ASTN2: variants seen among roughly 807,000 people sequenced by gnomAD.
The protein encoded by ASTN2 is astrotactin 2.
Under a neutral mutation model 139.8 loss-of-function variants are expected in ASTN2, and 54 were observed. The ratio of observed to expected loss-of-function variants is 0.39; its 90% CI spans 0.31 to 0.48. ASTN2 has a LOEUF of 0.48. Ranked by LOEUF, ASTN2 falls within the 20% of genes least tolerant of loss-of-function variation. The probability of loss-of-function intolerance (pLI) is 0.95; values close to 1 mark genes in which losing one functional copy is unlikely to be tolerated. For synonymous variants in ASTN2, 756 were observed against 719.5 expected, an observed-to-expected ratio of 1.05 and a Z score of -0.81; for missense variants, 1,565 against 1,725.1, an observed-to-expected ratio of 0.91 and a Z score of 1.64.
Position 116,724,079 on chromosome 9 carries a change from G to T in ASTN2, c.2806+1692C>A, listed in dbSNP as rs563579173. On this transcript the variant is annotated intron_variant, in intron 16 of 22. Coordinates refer to ENST00000313400, the MANE Select transcript of ASTN2 (RefSeq NM_001365068.1). ...GAAGACAGCTAAGGATGGAGAAGGG[G>T]TGGGATTTAGAATCAGAGTAGTGTC... 2.0e-5 allele frequency among the ~76,000 whole-genome samples: 3 copies of T among 152,332 alleles called. No individual in the cohort carries two copies. The South Asian group carries it at 6.2e-4, about 32-fold the overall frequency.
chr9:116,794,562 G>C (rs1588298666), intron 13 of ASTN2, among the ~76,000 whole-genome samples: 1 of 152,268 alleles, frequency 6.6e-6, no homozygotes, highest in Middle Eastern at 3.4e-3. Flanking sequence ...GGAGTGTTTA[G>C]AAGAGCAGCC....
At chr9:116,887,015 C>T (rs1008618008) in intron 10 of ASTN2, among the ~76,000 whole-genome samples, 3 of 152,026 alleles carry the variant, frequency 2.0e-5, no homozygotes, top group South Asian at 4.2e-4. Flanking sequence ...AATGGGAATA[C>T]GAATGCAGTG....
chr9:116,666,670 T>C (rs1248042360), intron 16 of ASTN2, among the ~76,000 whole-genome samples: 1 of 152,036 alleles, frequency 6.6e-6, no homozygotes, highest in Non-Finnish European at 1.5e-5. Flanking sequence ...TTTTAAAATG[T>C]TTTTCTGAGA....
chr9:116,610,027 A>G (rs1429529665), intron 19 of ASTN2, among the ~76,000 whole-genome samples: 1 of 152,170 alleles, frequency 6.6e-6, no homozygotes, highest in Non-Finnish European at 1.5e-5. Context: ...AAGAAGATAG[A>G]AAAAGAAGAG....
rs892175094 is a variant in ASTN2 at position 116,634,362 on chromosome 9, G to A, written c.3073-13919C>T. ...TCCCAGCACTTTGGGAGGCCGAGGC[G>A]GGCGGATCACGAGGTCAGGAGATCG... On this transcript the variant is annotated intron_variant, in intron 17 of 22. Coordinates refer to ENST00000313400, the MANE Select transcript of ASTN2 (RefSeq NM_001365068.1). 4.0e-5 allele frequency among the ~76,000 whole-genome samples: 6 copies of A among 151,732 alleles called. No individual in the cohort carries two copies. The East Asian group carries it at 1.2e-3, about 29-fold the overall frequency.
chr9:116,705,832 G>T (rs1554735077), intron 16 of ASTN2, among the ~76,000 whole-genome samples: 1 of 152,118 alleles, frequency 6.6e-6, no homozygotes, highest in Non-Finnish European at 1.5e-5. Context: ...TTGCTGAAGG[G>T]CCTTAAAAGT....
intron 3 of ASTN2, among the ~76,000 whole-genome samples, chr9:117,149,465 T>C (rs555170662): frequency 1.3e-3 from 204 of 152,236 alleles, no homozygotes; most frequent in African/African-American, 4.8e-3. Context: ...TCATGTCTTC[T>C]TGGTTCTGTT....
rs1831259116 is a variant in ASTN2 at position 117,414,274 on chromosome 9, G to A, written c.442+223C>T. Among the ~76,000 whole-genome samples the A allele has an allele frequency of 6.6e-6, 1 of 152,156 alleles. No homozygotes were observed. Among genetic ancestry groups the A allele is most frequent in the Admixed American group, 6.5e-5 (1 of 15,288 alleles). ...GCAGAGGGGCAGGTTCCCACTGCGGGAGGGTTGGCACGCCCCCAGGCTCCC... is the reference window on the plus strand; with the variant it reads ...GCAGAGGGGCAGGTTCCCACTGCGGAAGGGTTGGCACGCCCCCAGGCTCCC... On this transcript the variant is annotated intron_variant, in intron 1 of 22. Transcript: ENST00000313400. The surrounding 1 kb of genome is among the most constrained non-coding windows in gnomAD (Gnocchi z 4.2).
chr9:116,840,131 G>A (rs1475224480), intron 11 of ASTN2, among the ~76,000 whole-genome samples: 5 of 146,980 alleles, frequency 3.4e-5, no homozygotes, highest in African/African-American at 7.7e-5. Context: ...ATCTTGCACC[G>A]CCCTTAATCC....
At chr9:116,823,603 C>G (rs1482481140) in intron 11 of ASTN2, among the ~76,000 whole-genome samples, 1 of 152,198 alleles carries the variant, frequency 6.6e-6, no homozygotes, top group Non-Finnish European at 1.5e-5. Flanking sequence ...TTCCCTTGCC[C>G]CAGCTTGGTG....
Position 116,847,024 on chromosome 9 carries a change from AAAC to A in ASTN2, c.2040+16556_2040+16558del, listed in dbSNP as rs1447022561. Among the ~76,000 whole-genome samples the A allele has an allele frequency of 8.0e-3, 972 of 120,898 alleles. 18 individuals are homozygous for A. The highest frequency in any genetic ancestry group is 0.033 in the African/African-American group (898 of 27,478). 79.3% of individuals were successfully genotyped at this position (120,898 alleles called of 152,430 possible). A position where few individuals can be genotyped will look rare whatever the true frequency, so the allele number is the denominator to read the frequency against. ...TTCATTCTCAAAAAAAAAAAAAAAA[AAAC>A]AAAAAACAAAAAACAAAAAACAAAA... On this transcript the variant is annotated intron_variant, in intron 11 of 22. Transcript: ENST00000313400.
chr9:116,929,550 A>G (rs1345036390), intron 10 of ASTN2, among the ~76,000 whole-genome samples: 2 of 152,106 alleles, frequency 1.3e-5, no homozygotes, highest in African/African-American at 4.8e-5. Flanking sequence ...GCATCTTGGA[A>G]TATTTTGCAC....
intron 3 of ASTN2, among the ~76,000 whole-genome samples, chr9:117,157,874 C>T (rs936722137): frequency 6.6e-6 from 1 of 151,884 alleles, no homozygotes; most frequent in African/African-American, 2.4e-5. Flanking sequence ...AAGAGTGACA[C>T]TGTCAGAGAT....
intron 2 of ASTN2, among the ~76,000 whole-genome samples, chr9:117,229,050 A>G (rs554457608): frequency 1.3e-5 from 2 of 152,036 alleles, no homozygotes; most frequent in Non-Finnish European, 2.9e-5. Flanking sequence ...ATGAAGTTCA[A>G]TATCTCCTGA....
chr9:117,043,849 A>G (rs1838652043), intron 5 of ASTN2, among the ~76,000 whole-genome samples: 1 of 151,518 alleles, frequency 6.6e-6, no homozygotes, highest in South Asian at 2.1e-4. Flanking sequence ...TGGAGGTTGC[A>G]ATGAGCTGAG....
chr9:116,530,049 T>C (rs771665270), intron 19 of ASTN2, among the ~76,000 whole-genome samples: 6 of 137,710 alleles, frequency 4.4e-5, no homozygotes, highest in African/African-American at 8.0e-5. Context: ...AGCCAAGATA[T>C]GGAATCAACC....
chr9:117,348,900 A>T (rs1564159311), intron 1 of ASTN2, among the ~76,000 whole-genome samples: 3 of 129,372 alleles, frequency 2.3e-5, no homozygotes, highest in Non-Finnish European at 5.5e-5. Flanking sequence ...AAAAAAAAAA[A>T]GTGTGTGTAG....
chr9:116,582,039 T>C (rs1853972353), intron 19 of ASTN2: 2 of 152,204 alleles, frequency 1.3e-5, no homozygotes, highest in South Asian at 2.1e-4. Flanking sequence ...ACAATTTCCA[T>C]TGACCTTGAG....
intron 19 of ASTN2, among the ~76,000 whole-genome samples, chr9:116,549,373 C>T (rs550189407): frequency 3.9e-5 from 6 of 152,276 alleles, no homozygotes; most frequent in East Asian, 3.9e-4. Context: ...ACGAGCAACT[C>T]GGATAGTACC....
Sources: allele counts gnomAD v4.1 joint callset (sites outside exome capture counted in the v4.1 genomes callset), GRCh38; gene constraint gnomAD v4.1.1; non-coding constraint Gnocchi (gnomAD v3.1); transcripts MANE v1.5; gene names NCBI Gene and HGNC (gene_info 2026-07-23, HGNC 2026-07-21).